The following GON4L variants were observed in gnomAD, a reference collection of about 807,000 sequenced individuals.
The protein encoded by GON4L is GON-4-like protein.
GON4L carries 87 observed loss-of-function variants against 211.8 expected under a neutral mutation model. That is an observed-to-expected ratio of 0.41 (90% CI 0.35 to 0.49). The LOEUF (loss-of-function observed/expected upper bound fraction) is 0.49. GON4L is among the 20% of genes least tolerant of loss of function. The pLI, the probability that GON4L is intolerant of heterozygous loss-of-function variation, is 0.15. For synonymous variants in GON4L, 875 were observed against 962.6 expected (o/e 0.91, Z 1.68); for missense variants, 2,155 against 2,659.5 (o/e 0.81, Z 4.17).
chr1:155,795,396 T>G (rs1665967624), intron 11 of GON4L, among the ~76,000 whole-genome samples: 1 of 152,162 alleles, frequency 6.6e-6, no homozygotes, highest in African/African-American at 2.4e-5. Flanking sequence ...CCAGCTAATT[T>G]TGTGTAGTAT....
downstream of GON4L, chr1:155,745,857 C>T (rs2101564310): frequency 1.2e-6 from 1 of 845,904 alleles, no homozygotes; most frequent in South Asian, 1.7e-5. Flanking sequence ...GAGGTGCTCA[C>T]ACTGCAGTTG....
Position 155,757,958 on chromosome 1 carries a change from G to A in GON4L, c.5186C>T (p.Ser1729Leu). 2.2e-6 allele frequency: 1 copy of A among 454,568 alleles called. No individual in the cohort carries two copies. Among genetic ancestry groups the A allele is most frequent in the South Asian group, 2.3e-5 (1 of 43,060 alleles). 28.2% of individuals were successfully genotyped at this position (454,568 alleles called of 1,614,324 possible). Residue 1729 changes from serine (S) to leucine (L), a missense_variant, in exon 25 of 32, where the codon TCA becomes TTA. Around this residue, in one of 6 missense-constraint regions of GON4L, gnomAD observed 455 missense variants for 504.6 expected, o/e 0.90. Transcript: ENST00000368331. ...GACCTTGATAATCTTCTGGTGGTGT[G>A]AGGGGTTCTCTGCAAAGCAAATCTC... ...QLEICFAENP[S>L]HHQKIIKVLQ...
rs202156746 is a variant in GON4L at position 155,766,444 on chromosome 1, G to A, written c.3029C>T (p.Pro1010Leu). The A allele has an allele frequency of 6.1e-5, 98 of 1,614,076 alleles. No individual in the cohort carries two copies. The East Asian group carries it at 2.2e-3, about 36-fold the overall frequency. ...AGGGTTGAAGCTGGGCTGGAGAGAG[G>A]GGCTGGGTTGGATAAGGAGGGGCTT... The part of the protein sequence containing the change: ...VLKPLLIQPS[P>L]SLQPSFNPGK... The change falls in exon 21 of 32, where the codon CCC becomes CTC. Residue 1010 changes from proline (P) to leucine (L), a missense_variant. Around this residue, in one of 6 missense-constraint regions of GON4L, gnomAD observed 615 missense variants for 625.7 expected, o/e 0.98. Coordinates refer to ENST00000368331, the MANE Select transcript of GON4L (RefSeq NM_001282860.2).
At position 155,753,389 on chromosome 1, in the gene GON4L, C is replaced by G; in HGVS notation, c.5657G>C (p.Ser1886Thr). 1.2e-6 allele frequency: 2 copies of G among 1,613,614 alleles called. No individual in the cohort carries two copies. The highest frequency in any genetic ancestry group is 1.7e-6 in the Non-Finnish European group (2 of 1,179,712). The change falls in exon 29 of 32, where the codon AGC becomes ACC. Residue 1886 changes from serine to threonine, a missense_variant. Transcript: ENST00000368331. ...SKVCDSKSYK[S>T]KEPHELVGSS... is the part of the protein sequence containing the mutation. ...GCCCACCAACTCATGGGGCTCCTTG[C>G]TCTTGTAGGATTTGCTGTCACAGAC...
intron 2 of GON4L, among the ~76,000 whole-genome samples, chr1:155,833,824 C>T (rs980787233): frequency 1.1e-4 from 17 of 149,472 alleles, no homozygotes; most frequent in Non-Finnish European, 4.5e-5. Flanking sequence ...GGTTTCATTC[C>T]TCCTCCTTTT....
chr1:155,847,892 A>G (rs1256890878), intron 2 of GON4L, among the ~76,000 whole-genome samples: 1 of 151,630 alleles, frequency 6.6e-6, no homozygotes, highest in African/African-American at 2.4e-5. Context: ...TAAACAATAA[A>G]TAAATATATA....
At chr1:155,764,638 A>G (rs1662233523) in intron 21 of GON4L, 2 of 519,322 alleles carry the variant, frequency 3.9e-6, no homozygotes. Flanking sequence ...ATGGGGTTTT[A>G]CCACGTCGGC....
chr1:155,858,272 A>T (rs1017839389), upstream of GON4L, among the ~76,000 whole-genome samples: 4 of 152,214 alleles, frequency 2.6e-5, no homozygotes, highest in African/African-American at 9.7e-5. Flanking sequence ...AAAATAATAA[A>T]AAACAGAATG....
chr1:155,747,984 A>G, downstream of GON4L: 2 of 1,590,316 alleles, frequency 1.3e-6, no homozygotes, highest in East Asian at 2.2e-5. Flanking sequence ...GAGGAGGCCC[A>G]GAGAAACATC....
downstream of GON4L, chr1:155,748,726 C>T: frequency 6.2e-7 from 1 of 1,614,152 alleles, no homozygotes; most frequent in Non-Finnish European, 8.5e-7. Context: ...GGGGAGCCTT[C>T]TGGAACACGT....
At chr1:155,816,188 A>G (rs1322852043) in intron 7 of GON4L, 24 bp downstream of exon 7, 9 of 1,159,510 alleles carry the variant, frequency 7.8e-6, no homozygotes, top group Non-Finnish European at 9.1e-6. Flanking sequence ...GGAAAAGAAT[A>G]ACAATTATTT....
At position 155,765,349 on chromosome 1, in the gene GON4L, G is replaced by C. The variant is rs1017741988; in HGVS notation, c.4124C>G (p.Thr1375Arg). The C allele has an allele frequency of 6.2e-7, 1 of 1,614,008 alleles. No individual in the cohort carries two copies. The highest frequency in any genetic ancestry group is 1.3e-5 in the African/African-American group (1 of 74,930). Residue 1375 changes from threonine to arginine, a missense_variant, in exon 21 of 32, where the codon ACA becomes AGA. Around this residue, in one of 6 missense-constraint regions of GON4L, gnomAD observed 615 missense variants for 625.7 expected, o/e 0.98. Coordinates refer to ENST00000368331, the MANE Select transcript of GON4L (RefSeq NM_001282860.2). ...LSSAGEVTKQ[T>R]VLQKEEERSQ... Reference sequence around the variant, plus strand: ...CCTCTCCTCTTCCTTCTGTAAGACTGTCTGTTTCGTTACTTCTCCAGCACT... The same window carrying C: ...CCTCTCCTCTTCCTTCTGTAAGACTCTCTGTTTCGTTACTTCTCCAGCACT...
At chr1:155,785,101 A>G (rs1664810742) in intron 13 of GON4L, 1 of 585,808 alleles carries the variant, frequency 1.7e-6, no homozygotes, top group Non-Finnish European at 3.2e-6. Context: ...ACCCCCTCAA[A>G]CAAAAAGAAG....
intron 10 of GON4L, among the ~76,000 whole-genome samples, chr1:155,806,472 T>C (rs1350106925): frequency 6.6e-6 from 1 of 151,882 alleles, no homozygotes; most frequent in East Asian, 1.9e-4. Context: ...TTTGTAGAGA[T>C]GGGGGTGGGG....
Position 155,765,458 on chromosome 1 carries a change from A to C in GON4L, c.4015T>G (p.Ser1339Ala), listed in dbSNP as rs773989695. 1.9e-6 allele frequency: 3 copies of C among 1,614,100 alleles called. No homozygotes were observed. The highest frequency in any genetic ancestry group is 2.5e-6 in the Non-Finnish European group (3 of 1,180,008). Residue 1339 changes from serine (S) to alanine (A), a missense_variant, in exon 21 of 32, where the codon TCC (serine) becomes GCC (alanine). Physicochemically the swap from Ser to Ala is moderately conservative, Grantham distance 99 (BLOSUM62 1). This residue lies in a region of GON4L where 615 missense variants were observed against 625.7 expected (regional missense o/e 0.98). Coordinates refer to ENST00000368331, the MANE Select transcript of GON4L (RefSeq NM_001282860.2). ...TCATCACAAATATCACGCTCAGGGG[A>C]TCCACTGATTTCCTCTCTAGCTTCT... ...PEEAREEISG[S>A]PERDICDDIK...
intron 2 of GON4L, among the ~76,000 whole-genome samples, chr1:155,827,359 A>G (rs1269348614): frequency 1.3e-5 from 2 of 152,194 alleles, no homozygotes; most frequent in South Asian, 4.1e-4. Flanking sequence ...TCAACTATAA[A>G]TATAATCATA....
chr1:155,853,373 G>C lies in GON4L; in HGVS notation c.408C>G (p.Leu136=), dbSNP rs376147783. ...TGSKRGKKMT[L]RPGPVTQEDR... ...CTTCTTGGGTAACTGGCCCAGGCCT[G>C]AGTGTCATTTTTTTCCCTCTCTTTG... The change falls in exon 2 of 32, where the codon CTC becomes CTG. Residue 136 remains leucine, a synonymous_variant. Transcript: ENST00000368331. 3.1e-6 allele frequency: 5 copies of C among 1,614,008 alleles called. No individual in the cohort carries two copies. In the African/African-American group the frequency reaches 6.7e-5, roughly 22 times the overall value.
Position 155,785,210 on chromosome 1 carries a change from CTAA to C in GON4L, c.1788+121_1788+123del, listed in dbSNP as rs1338986302. 1.5e-5 allele frequency: 12 copies of C among 781,550 alleles called. No individual in the cohort carries two copies. In the Admixed American group the frequency reaches 2.1e-4, roughly 13 times the overall value. 48.4% of individuals were successfully genotyped at this position (781,550 alleles called of 1,614,324 possible). The stretch of plus-strand genomic sequence containing the variant: ...GTCATTATATTCTTTCCCAGGTAGA[CTAA>C]AAGGAGAATTGGTTCAGTCAGACCC... On this transcript the variant is annotated intron_variant, in intron 13 of 31. Coordinates refer to ENST00000368331, the MANE Select transcript of GON4L (RefSeq NM_001282860.2).
intron 14 of GON4L, among the ~76,000 whole-genome samples, chr1:155,779,195 A>C (rs1293623696): frequency 1.4e-5 from 2 of 144,822 alleles, no homozygotes; most frequent in Non-Finnish European, 3.0e-5. Flanking sequence ...TGGAGCTTGC[A>C]GTGAGCCGAG....
Sources: gnomAD v4.1 joint callset for allele counts (sites outside exome capture counted in the v4.1 genomes callset) on GRCh38, gnomAD v4.1.1 for gene constraint, gnomAD v4.1.1 regional missense constraint, MANE v1.5 for transcripts, NCBI Gene and HGNC (gene_info 2026-07-23, HGNC 2026-07-21) for gene names.